Variants in PCDHGA5 observed in about 807,000 individuals in gnomAD.
PCDHGA5 encodes protocadherin gamma subfamily A, 5.
In PCDHGA5, 36 loss-of-function variants were observed where a neutral mutation model predicts 56.7. That is an observed-to-expected ratio of 0.64 (90% CI 0.49 to 0.84). The LOEUF (loss-of-function observed/expected upper bound fraction) is 0.84, where lower values mean the gene tolerates loss of function less well. Ranked by LOEUF, PCDHGA5 falls within the 40% of genes least tolerant of loss-of-function variation. The pLI is 0.00. For synonymous variants in PCDHGA5, 563 were observed against 520.2 expected (o/e 1.08, Z -1.12); for missense variants, 1,305 against 1,201.5 (o/e 1.09, Z -1.27).
chr5:141,454,874 C>A (rs1002727777), intron 1 of PCDHGA5, among the ~76,000 whole-genome samples: 4 of 123,066 alleles, frequency 3.3e-5, no homozygotes, highest in African/African-American at 1.2e-4. Flanking sequence ...GTGGCACGAT[C>A]TTGGCTCACT....
chr5:141,419,415 C>A, intron 1 of PCDHGA5: 2 of 1,613,434 alleles, frequency 1.2e-6, no homozygotes, highest in Non-Finnish European at 1.7e-6. Flanking sequence ...GCGCAGCGCG[C>A]CTTCGACCAC....
Position 141,485,210 on chromosome 5 carries a change from C to T in PCDHGA5, c.2422-9597C>T, listed in dbSNP as rs2099609472. 1.2e-6 allele frequency: 2 copies of T among 1,614,058 alleles called. No individual in the cohort carries two copies. The highest frequency in any genetic ancestry group is 1.3e-5 in the African/African-American group (1 of 75,046). ...GGTGAGAAGCTGGACAGAAATCTGG[C>T]GGTGGGCTACCCTTTTGTTCCTCTT... On this transcript the variant is annotated intron_variant, in intron 1 of 3. Coordinates refer to ENST00000518069, the MANE Select transcript of PCDHGA5 (RefSeq NM_018918.3). The surrounding 1 kb of genome is among the most constrained non-coding windows in gnomAD (Gnocchi z 5.7).
At position 141,477,210 on chromosome 5, in the gene PCDHGA5, C is replaced by A. The variant is rs780852225; in HGVS notation, c.2422-17597C>A. On this transcript the variant is annotated intron_variant, in intron 1 of 3. Transcript: ENST00000518069. This position sits in a 1 kb window ranked among gnomAD's most constrained non-coding sequence, Gnocchi z 4.9. ...GTGTACAGCCCAGTACCCGAGGATG[C>A]CCCTCTGGGGACTGTCATCGCTTTG... The A allele has an allele frequency of 6.2e-7, 1 of 1,614,142 alleles. No homozygotes were observed. The highest frequency in any genetic ancestry group is 8.5e-7 in the Non-Finnish European group (1 of 1,180,030).
In PCDHGA5 at chr5:141,364,821, T is replaced by C. The variant is rs1185593883; in HGVS notation, c.491T>C (p.Val164Ala). The change falls in exon 1 of 4, where the codon GTG becomes GCG. Residue 164 changes from valine (V) to alanine (A), a missense_variant. By Grantham distance (64) the Val-to-Ala change is moderately conservative. Coordinates refer to ENST00000518069, the MANE Select transcript of PCDHGA5 (RefSeq NM_018918.3). ...LPFARDADVG[V>A]NSLRSYQLSS... ...TTCGCGCGGGATGCGGATGTGGGTG[T>C]GAACTCTCTCCGGAGTTACCAGCTC... The C allele has an allele frequency of 6.2e-7, 1 of 1,613,886 alleles. No homozygotes were observed. The highest frequency in any genetic ancestry group is 8.5e-7 in the Non-Finnish European group (1 of 1,179,896).
intron 1 of PCDHGA5, chr5:141,478,906 C>T: frequency 1.1e-6 from 1 of 906,534 alleles, no homozygotes; most frequent in Non-Finnish European, 1.6e-6. Context: ...GAATAAGCTG[C>T]TGGATACCTC....
intron 1 of PCDHGA5, among the ~76,000 whole-genome samples, chr5:141,460,135 T>G (rs2098983196): frequency 6.6e-6 from 1 of 152,044 alleles, no homozygotes; most frequent in South Asian, 2.1e-4. Flanking sequence ...ATATATATAT[T>G]CTTGATGTGA....
At chr5:141,403,876 T>A (rs1189942027) in intron 1 of PCDHGA5, 3 of 1,613,702 alleles carry the variant, frequency 1.9e-6, no homozygotes, top group African/African-American at 1.3e-5. Flanking sequence ...AAAGTCTAGA[T>A]TATGAAGAAT....
chr5:141,388,577 A>G, intron 1 of PCDHGA5: 1 of 1,613,868 alleles, frequency 6.2e-7, no homozygotes, highest in East Asian at 2.2e-5. Context: ...TACACGTTCT[A>G]GTGACTGATG....
chr5:141,488,980 C>A, intron 1 of PCDHGA5: 1 of 392,340 alleles, frequency 2.5e-6, no homozygotes, highest in Non-Finnish European at 4.5e-6. Flanking sequence ...CAATCAGACT[C>A]AGAGCTGAGG....
At chr5:141,414,829 T>C (rs746789783) in intron 1 of PCDHGA5, 18 of 1,614,078 alleles carry the variant, frequency 1.1e-5, no homozygotes, top group Non-Finnish European at 1.5e-5. Context: ...CAACGTGTCG[T>C]TGAGCCTGTT....
rs541533867 is a variant in PCDHGA5 at position 141,415,164 on chromosome 5, G to T, written c.2421+48413G>T. 6.8e-6 allele frequency: 11 copies of T among 1,613,838 alleles called. No individual in the cohort carries two copies. The African/African-American group carries it at 1.3e-4, about 20-fold the overall frequency. Reference sequence around the variant, plus strand: ...AGCCCCCTCTCTCCGCCACTGTCACGCTCACCGTGGCCGTGGCCGACAGCA... The same window carrying T: ...AGCCCCCTCTCTCCGCCACTGTCACTCTCACCGTGGCCGTGGCCGACAGCA... On this transcript the variant is annotated intron_variant, in intron 1 of 3. Transcript: ENST00000518069.
chr5:141,488,548 T>C (rs112676623), intron 1 of PCDHGA5, among the ~76,000 whole-genome samples: 2 of 152,318 alleles, frequency 1.3e-5, no homozygotes, highest in African/African-American at 4.8e-5. Flanking sequence ...CCATGTCAGC[T>C]GACATTGAGA....
chr5:141,438,901 G>A (rs1039951275), intron 1 of PCDHGA5, among the ~76,000 whole-genome samples: 2 of 151,746 alleles, frequency 1.3e-5, no homozygotes, highest in African/African-American at 2.4e-5. Flanking sequence ...CCTGACCTCA[G>A]GTGATCCACC....
intron 1 of PCDHGA5, chr5:141,396,285 A>G (rs996354546): frequency 1.3e-5 from 2 of 152,164 alleles, no homozygotes; most frequent in African/African-American, 4.8e-5. Context: ...ATGCCACTGC[A>G]CTCCAGCCTA....
rs766460257 is a variant in PCDHGA5, at chr5:141,398,407, G to A, written c.2421+31656G>A. 4.0e-5 allele frequency: 59 copies of A among 1,474,004 alleles called. No homozygotes were observed. The Middle Eastern group carries it at 1.0e-3, about 26-fold the overall frequency. 91.3% of individuals were successfully genotyped at this position (1,474,004 alleles called of 1,614,324 possible). A position where few individuals can be genotyped will look rare whatever the true frequency, so the allele number is the denominator to read the frequency against. On this transcript the variant is annotated intron_variant, in intron 1 of 3. Transcript: ENST00000518069. ...TGTGAGCAGCAGGCTAGACAGGGAG[G>A]AGATATGCGGGAAGAAGCCAGCTTG...
At chr5:141,430,661 G>A in intron 1 of PCDHGA5, 1 of 1,159,744 alleles carries the variant, frequency 8.6e-7, no homozygotes, top group South Asian at 2.1e-5. Context: ...CAACGGAGGA[G>A]CTCTGACTTC....
At chr5:141,503,607 A>G (rs141670522) in intron 2 of PCDHGA5, among the ~76,000 whole-genome samples, 63 of 151,996 alleles carry the variant, frequency 4.1e-4, no homozygotes, top group African/African-American at 1.4e-3. Flanking sequence ...TCAAAAAAAA[A>G]AAAAAAAGAA....
chr5:141,482,032 C>T (rs1370023352), intron 1 of PCDHGA5, among the ~76,000 whole-genome samples: 1 of 151,018 alleles, frequency 6.6e-6, no homozygotes, highest in African/African-American at 2.4e-5. Flanking sequence ...TTGCAGTGAG[C>T]CAAGATCATG....
chr5:141,374,652 A>G, intron 1 of PCDHGA5: 1 of 1,612,302 alleles, frequency 6.2e-7, no homozygotes, highest in Non-Finnish European at 8.5e-7. Context: ...CATGGGCCCA[A>G]GTACCCGGAG....
Sources: allele counts gnomAD v4.1 joint callset (sites outside exome capture counted in the v4.1 genomes callset), GRCh38; gene constraint gnomAD v4.1.1; non-coding constraint Gnocchi (gnomAD v3.1); transcripts MANE v1.5; gene names NCBI Gene and HGNC (gene_info 2026-07-23, HGNC 2026-07-21).